The following TRIM34 variants were observed in gnomAD, a reference collection of about 807,000 sequenced individuals.
TRIM34 encodes the protein tripartite motif containing 34.
A neutral mutation model predicts 38.1 loss-of-function variants in TRIM34; 41 were observed. The observed-to-expected ratio is 1.08, with a 90% CI of 0.84 to 1.40. The LOEUF is 1.40. Ranked by LOEUF, TRIM34 falls within the 40% of genes most tolerant of loss-of-function variation. TRIM34 has a pLI of 0.00. For missense variants in TRIM34, 556 were observed against 571.4 expected (o/e 0.97, Z 0.27); for synonymous variants, 200 against 202.5 (o/e 0.99, Z 0.10).
At chr11:5,624,313 A>C (rs569451268), upstream of TRIM34, among the ~76,000 whole-genome samples, 1 of 152,312 alleles carries the variant, frequency 6.6e-6, no homozygotes, top group African/African-American at 2.4e-5. Context: ...GTTTTGAAAA[A>C]GTTTTACCCC....
rs755254195 is a variant in TRIM34 at position 5,632,697 on chromosome 11, T to C, written c.366T>C (p.Ser122=). The change falls in exon 2 of 8, where the codon TCT becomes TCC. Residue 122 remains serine (S), a synonymous_variant. Transcript: ENST00000429814. Reference sequence around the variant, plus strand: ...TCATTTGCTGGCTTTGTGAGCGGTCTCAGGAGCACCGTGGTCACCACACAG... The same window carrying C: ...TCATTTGCTGGCTTTGTGAGCGGTCCCAGGAGCACCGTGGTCACCACACAG... ...RKVICWLCER[S]QEHRGHHTVL... 21 of 1,612,292 alleles carry C rather than the reference T, an allele frequency of 1.3e-5. No individual in the cohort carries two copies. The Admixed American group carries it at 1.3e-4, about 10-fold the overall frequency.
Position 5,633,815 on chromosome 11 carries a change from G to C in TRIM34, c.435G>C (p.Gln145His). The change falls in exon 3 of 8, where the codon CAG becomes CAC. Residue 145 changes from glutamine (Q) to histidine (H), a missense_variant. By Grantham distance (24) the Gln-to-His change is conservative. Coordinates refer to ENST00000429814, the MANE Select transcript of TRIM34 (RefSeq NM_021616.6). The stretch of plus-strand genomic sequence containing the variant: ...TTCCCTTCTCATAGGAGAAACTCCA[G>C]GCAGTCCTCAAGAGGCTGAAGAAGG... ...EVFKECQEKL[Q>H]AVLKRLKKEE... The C allele has an allele frequency of 6.2e-7, 1 of 1,613,898 alleles. No individual in the cohort carries two copies. The highest frequency in any genetic ancestry group is 8.5e-7 in the Non-Finnish European group (1 of 1,179,896).
At position 5,633,788 on chromosome 11, in the gene TRIM34, G is replaced by C. The variant is rs762930263; in HGVS notation, c.424-16G>C. The C allele has an allele frequency of 6.2e-7, 1 of 1,611,670 alleles. No homozygotes were observed. Among genetic ancestry groups the C allele is most frequent in the African/African-American group, 1.3e-5 (1 of 74,736 alleles). Reference sequence around the variant, plus strand: ...AAAGCTTATAGCTTGACTGTAGTGTGATTCCCTTCTCATAGGAGAAACTCC... The same window carrying C: ...AAAGCTTATAGCTTGACTGTAGTGTCATTCCCTTCTCATAGGAGAAACTCC... On this transcript the variant is annotated splice_polypyrimidine_tract_variant and intron_variant, in intron 2 of 7. Transcript: ENST00000429814.
chr11:5,637,010 T>C (rs1049551027), intron 4 of TRIM34, among the ~76,000 whole-genome samples: 10 of 152,034 alleles, frequency 6.6e-5, no homozygotes, highest in Non-Finnish European at 1.3e-4. Flanking sequence ...GCCGGGCATT[T>C]TATAATATAC....
chr11:5,630,708 A>C (rs953723057), intron 1 of TRIM34, among the ~76,000 whole-genome samples: 1 of 152,136 alleles, frequency 6.6e-6, no homozygotes, highest in Non-Finnish European at 1.5e-5. Flanking sequence ...TTCTCTATTT[A>C]GCACATTATT....
Position 5,634,698 on chromosome 11 carries a change from A to G in TRIM34, c.587A>G (p.Asn196Ser), listed in dbSNP as rs1219720862. ...EFDQLRSILN[N>S]EEQRELQRLE... Reference sequence around the variant, plus strand: ...GATCAGCTTAGAAGCATCCTAAATAATGAGGAGCAGAGAGAGCTGCAAAGA... The same window carrying G: ...GATCAGCTTAGAAGCATCCTAAATAGTGAGGAGCAGAGAGAGCTGCAAAGA... The change falls in exon 4 of 8, where the codon AAT (asparagine) becomes AGT (serine). Residue 196 changes from asparagine (N) to serine (S), a missense_variant. By Grantham distance (46) the Asn-to-Ser change is conservative. Transcript: ENST00000429814. The G allele has an allele frequency of 3.7e-6, 6 of 1,614,136 alleles. No homozygotes were observed. The Middle Eastern group carries it at 8.2e-4, about 222-fold the overall frequency.
intron 1 of TRIM34, among the ~76,000 whole-genome samples, chr11:5,628,253 C>T (rs1261570066): frequency 6.6e-6 from 1 of 152,232 alleles, no homozygotes; most frequent in African/African-American, 2.4e-5. Flanking sequence ...TCTCCTGGAG[C>T]CCCCCGGTAT....
intron 1 of TRIM34, among the ~76,000 whole-genome samples, chr11:5,629,793 T>C (rs368816159): frequency 2.8e-4 from 42 of 152,268 alleles, no homozygotes; most frequent in African/African-American, 6.7e-4. Flanking sequence ...CTGGAAGCTC[T>C]GCCTCCCGGG....
chr11:5,642,882 T>G, intron 7 of TRIM34, 39 bp downstream of exon 7: 1 of 1,612,788 alleles, frequency 6.2e-7, no homozygotes, highest in South Asian at 1.1e-5. Context: ...GTTTTCCAAT[T>G]ACCTTTCAGA....
At position 5,643,606 on chromosome 11, in the gene TRIM34, TC is replaced by T. The variant is rs1346196281; in HGVS notation, c.1365del (p.Ile456PhefsTer26). 1 of 1,614,028 alleles carries T rather than the reference TC, an allele frequency of 6.2e-7. No homozygotes were observed. Among genetic ancestry groups the T allele is most frequent in the Admixed American group, 1.7e-5 (1 of 59,994 alleles). ...TTCAATGTCACAAGCCATGGCTCCC[TC>T]ATTTACAAGTTCTCTAAATGTTGCT... is the stretch of plus-strand genomic sequence containing the variant. ...SFFNVTSHGSLIYKFSKCCFS... is the reference protein window; with the variant it reads ...SFFNVTSHGSXIYKFSKCCFS... On this transcript the variant is annotated frameshift_variant, in exon 8 of 8. Transcript: ENST00000429814. LOFTEE classifies it low-confidence loss of function (END_TRUNC).
At position 5,638,151 on chromosome 11, in the gene TRIM34, G is replaced by A. The variant is rs1225078385; in HGVS notation, c.751-3016G>A. Among the ~76,000 whole-genome samples, 6 of 152,222 alleles carry A rather than the reference G, an allele frequency of 3.9e-5. No homozygotes were observed. The East Asian group carries it at 9.6e-4, about 24-fold the overall frequency. ...ACATCTGACCCAATCCTGAATGCTT[G>A]TGGGTGACAAAATTGTACTGTCATT... On this transcript the variant is annotated intron_variant, in intron 4 of 7. Transcript: ENST00000429814.
intron 1 of TRIM34, 110 bp from the exon 2 acceptor site, chr11:5,632,145 C>T: frequency 1.4e-6 from 2 of 1,456,596 alleles, no homozygotes; most frequent in Non-Finnish European, 1.8e-6. Context: ...TTCTCTTCCT[C>T]ATCTTCTTTG....
rs1028460435 is a variant in TRIM34, at chr11:5,643,086, A to G, written c.902-58A>G. ...CTCCATATCTGTCACCTAATCATAT[A>G]TATCACACAGATGATTATATTCATA... On this transcript the variant is annotated intron_variant, in intron 7 of 7. Coordinates refer to ENST00000429814, the MANE Select transcript of TRIM34 (RefSeq NM_021616.6). 3.9e-6 allele frequency: 5 copies of G among 1,267,164 alleles called. No individual in the cohort carries two copies. The African/African-American group carries it at 4.5e-5, about 11-fold the overall frequency. 78.5% of individuals were successfully genotyped at this position (1,267,164 alleles called of 1,614,324 possible).
At chr11:5,626,031 T>C (rs998336066) in intron 1 of TRIM34, among the ~76,000 whole-genome samples, 1 of 152,240 alleles carries the variant, frequency 6.6e-6, no homozygotes, top group African/African-American at 2.4e-5. Flanking sequence ...GTTACAGATA[T>C]TCTGACACAT....
Position 5,634,794 on chromosome 11 carries a change from A to C in TRIM34, c.683A>C (p.Gln228Pro), listed in dbSNP as rs980684124. The C allele has an allele frequency of 1.2e-5, 20 of 1,613,766 alleles. No homozygotes were observed. The African/African-American group carries it at 2.7e-4, about 22-fold the overall frequency. ...EAEDELVQQK[Q>P]LVRELISDVE... The stretch of plus-strand genomic sequence containing the variant: ...GAGGATGAGCTAGTTCAGCAGAAGC[A>C]GTTGGTGAGAGAGCTCATCTCAGAT... Residue 228 changes from glutamine to proline, a missense_variant, in exon 4 of 8, where the codon CAG becomes CCG. Gln to Pro is a moderately conservative substitution (Grantham distance 76). Coordinates refer to ENST00000429814, the MANE Select transcript of TRIM34 (RefSeq NM_021616.6).
At chr11:5,621,530 A>G (rs1382890742), upstream of TRIM34, among the ~76,000 whole-genome samples, 1 of 152,242 alleles carries the variant, frequency 6.6e-6, no homozygotes, top group Non-Finnish European at 1.5e-5. Flanking sequence ...AGCACAGCTC[A>G]GCTGAGAGTG....
intron 4 of TRIM34, among the ~76,000 whole-genome samples, chr11:5,640,523 C>T (rs1405709265): frequency 2.0e-5 from 3 of 151,460 alleles, no homozygotes; most frequent in African/African-American, 7.3e-5. Flanking sequence ...TGCTGGATTG[C>T]CAGATTTGAT....
chr11:5,640,696 T>C (rs1206808773), intron 4 of TRIM34, among the ~76,000 whole-genome samples: 1 of 152,180 alleles, frequency 6.6e-6, no homozygotes. Flanking sequence ...CTCTTCTTTA[T>C]TTTTGAAATA....
chr11:5,628,258 C>G (rs546938017), intron 1 of TRIM34, among the ~76,000 whole-genome samples: 1 of 152,196 alleles, frequency 6.6e-6, no homozygotes, highest in Non-Finnish European at 1.5e-5. Flanking sequence ...TGGAGCCCCC[C>G]GGTATTTCTA....
Sources: allele counts gnomAD v4.1 joint callset (sites outside exome capture counted in the v4.1 genomes callset), GRCh38; gene constraint gnomAD v4.1.1; transcripts MANE v1.5; gene names NCBI Gene and HGNC (gene_info 2026-07-23, HGNC 2026-07-21).